Variants in LRRN4 observed in about 807,000 individuals in gnomAD.
LRRN4 encodes leucine rich repeat neuronal 4, also known as leucine-rich repeat neuronal protein 4.
A neutral mutation model predicts 22.3 loss-of-function variants in LRRN4; 26 were observed. The observed-to-expected ratio is 1.16, with a 90% CI of 0.85 to 1.62. LRRN4 has a LOEUF of 1.62. Among genes scored for constraint, LRRN4 ranks in the 40% most tolerant of loss-of-function variants. The pLI is 0.00. For synonymous variants in LRRN4, 496 were observed against 486.2 expected, an observed-to-expected ratio of 1.02 and a Z score of -0.26; for missense variants, 1,070 against 1,008.5, an observed-to-expected ratio of 1.06 and a Z score of -0.83.
chr20:6,041,210 T>C lies in LRRN4; in HGVS notation c.2035A>G (p.Ser679Gly). The change falls in exon 5 of 5, where the codon AGC becomes GGC. Residue 679 changes from serine to glycine, a missense_variant. Physicochemically the swap from Ser to Gly is moderately conservative, Grantham distance 56 (BLOSUM62 0). Transcript: ENST00000378858. This position sits in a 1 kb window ranked among gnomAD's most constrained non-coding sequence, Gnocchi z 9.4. Reference protein sequence around the residue: ...SPCAAFTTKPSFALLLSGLCA... With the variant: ...SPCAAFTTKPGFALLLSGLCA... ...AGCCCAGAGAGCAGGAGCGCGAAGC[T>C]GGGCTTGGTGGTGAAGGCGGCGCAC... 5 of 1,587,810 alleles carry C rather than the reference T, an allele frequency of 3.1e-6. No homozygotes were observed. The highest frequency in any genetic ancestry group is 4.3e-6 in the Non-Finnish European group (5 of 1,164,950).
intron 3 of LRRN4, among the ~76,000 whole-genome samples, chr20:6,047,572 G>A (rs905849287): frequency 5.3e-5 from 8 of 151,126 alleles, no homozygotes; most frequent in African/African-American, 2.0e-4. Context: ...AGATCACGAG[G>A]TTAGGAGATA....
In LRRN4 at chr20:6,052,625, A is replaced by C; in HGVS notation, c.175T>G (p.Leu59Val). 6.3e-7 allele frequency: 1 copy of C among 1,588,590 alleles called. No individual in the cohort carries two copies. Among genetic ancestry groups the C allele is most frequent in the Non-Finnish European group, 8.5e-7 (1 of 1,174,832 alleles). The change falls in exon 2 of 5, where the codon TTG becomes GTG. Residue 59 changes from leucine (L) to valine (V), a missense_variant. Transcript: ENST00000378858. ...TCCAGGTTGCGGTTCGCCAGGGTCAAGGCCGTCGCATCCGCGGCGGGCAGC... is the reference window on the plus strand; with the variant it reads ...TCCAGGTTGCGGTTCGCCAGGGTCACGGCCGTCGCATCCGCGGCGGGCAGC... The part of the protein sequence containing the change: ...EGLPAADATA[L>V]TLANRNLERL...
At chr20:6,049,752 C>T (rs916990425) in intron 3 of LRRN4, among the ~76,000 whole-genome samples, 3 of 151,914 alleles carry the variant, frequency 2.0e-5, no homozygotes, top group Non-Finnish European at 2.9e-5. Context: ...ATCCACCCAC[C>T]TCGGCCTCCC....
intron 2 of LRRN4, among the ~76,000 whole-genome samples, chr20:6,051,513 G>A (rs1232696969): frequency 6.6e-6 from 1 of 152,186 alleles, no homozygotes. Flanking sequence ...GAAACAGGTG[G>A]TTGTAGACAC....
intron 4 of LRRN4, among the ~76,000 whole-genome samples, chr20:6,043,189 A>G (rs901188450): frequency 6.6e-6 from 1 of 152,126 alleles, no homozygotes; most frequent in Non-Finnish European, 1.5e-5. Flanking sequence ...TAGGAGGATC[A>G]CTTGAGGCCA....
rs759053539 is a variant in LRRN4 at position 6,052,418 on chromosome 20, C to T, written c.382G>A (p.Asp128Asn). The T allele has an allele frequency of 1.4e-5, 21 of 1,544,662 alleles. No homozygotes were observed. The highest frequency in any genetic ancestry group is 1.7e-5 in the Non-Finnish European group (20 of 1,154,288). The change falls in exon 2 of 5, where the codon GAC becomes AAC. Residue 128 changes from aspartate to asparagine, a missense_variant. By Grantham distance (23) the Asp-to-Asn change is conservative. Transcript: ENST00000378858. ...PGGPAGLHTL[D>N]LSYNQLAALP... ...GCGGCCAGCTGGTTGTAGCTGAGGT[C>T]CAGGGTGTGCAGCCCCGCCGGCCCA...
At chr20:6,047,935 G>C (rs187788218) in intron 3 of LRRN4, among the ~76,000 whole-genome samples, 1 of 152,130 alleles carries the variant, frequency 6.6e-6, no homozygotes, top group African/African-American at 2.4e-5. Context: ...GATGGGAGAC[G>C]AAGAGGACTT....
intron 4 of LRRN4, among the ~76,000 whole-genome samples, chr20:6,044,241 C>T (rs1041475401): frequency 6.6e-5 from 10 of 152,200 alleles, no homozygotes; most frequent in Non-Finnish European, 1.5e-4. Context: ...CCCAGCCTCC[C>T]TTGCAGGTAG....
At chr20:6,051,592 G>T (rs1165388188) in intron 2 of LRRN4, among the ~76,000 whole-genome samples, 1 of 152,174 alleles carries the variant, frequency 6.6e-6, no homozygotes, top group Non-Finnish European at 1.5e-5. Flanking sequence ...CAGGAGACCG[G>T]TTATCCTCAC....
chr20:6,052,489 A>G lies in LRRN4; in HGVS notation c.311T>C (p.Leu104Pro), dbSNP rs1461694387. 4 of 1,575,730 alleles carry G rather than the reference A, an allele frequency of 2.5e-6. No individual in the cohort carries two copies. Among genetic ancestry groups the G allele is most frequent in the South Asian group, 1.1e-5 (1 of 87,406 alleles). The change falls in exon 2 of 5, where the codon CTG (leucine) becomes CCG (proline). Residue 104 changes from leucine to proline, a missense_variant. Physicochemically the swap from Leu to Pro is moderately conservative, Grantham distance 98 (BLOSUM62 -3). Transcript: ENST00000378858. The stretch of plus-strand genomic sequence containing the variant: ...GGCGATGCGGTTGTGGCGCAGGGTC[A>G]GCACCTGCAGCTGCTCCAGGTGGCC... ...ELGHLEQLQV[L>P]TLRHNRIAAL...
At position 6,044,590 on chromosome 20, in the gene LRRN4, A is replaced by G. The variant is rs1981058835; in HGVS notation, c.951T>C (p.Cys317=). 1.9e-6 allele frequency: 3 copies of G among 1,594,632 alleles called. No individual in the cohort carries two copies. The highest frequency in any genetic ancestry group is 2.6e-6 in the Non-Finnish European group (3 of 1,170,632). ...NLFGNPLTCS[C]DLSWLLTDAK... is the part of the protein sequence containing the mutation. ...CATCCGTGAGGAGCCAAGACAAGTC[A>G]CAACTGCAAGTGAGGGGGTTGCCAA... is the stretch of plus-strand genomic sequence containing the variant. Residue 317 remains cysteine, a synonymous_variant, in exon 4 of 5, where the codon TGT becomes TGC. Transcript: ENST00000378858.
chr20:6,053,169 C>T (rs1213707695), intron 1 of LRRN4, among the ~76,000 whole-genome samples: 1 of 152,154 alleles, frequency 6.6e-6, no homozygotes, highest in East Asian at 1.9e-4. Context: ...AAAGGGATGT[C>T]CCCTTTATTG....
At chr20:6,048,824 C>T (rs901657065) in intron 3 of LRRN4, among the ~76,000 whole-genome samples, 1 of 152,050 alleles carries the variant, frequency 6.6e-6, no homozygotes, top group Non-Finnish European at 1.5e-5. Context: ...TGGAGGAGGA[C>T]GCATTAGGCT....
intron 4 of LRRN4, among the ~76,000 whole-genome samples, chr20:6,043,180 A>G (rs989541337): frequency 1.3e-5 from 2 of 151,898 alleles, no homozygotes; most frequent in African/African-American, 4.8e-5. Flanking sequence ...AGGCCCATGT[A>G]GGAGGATCAC....
Position 6,041,280 on chromosome 20 carries a change from G to A in LRRN4, c.1965C>T (p.Asn655=). The change falls in exon 5 of 5, where the codon AAC becomes AAT. Residue 655 remains asparagine, a synonymous_variant. Transcript: ENST00000378858. The surrounding 1 kb of genome is among the most constrained non-coding windows in gnomAD (Gnocchi z 9.4). The part of the protein sequence containing the change: ...TTYRVCVLAA[N]RAGLSQPRSS... The stretch of plus-strand genomic sequence containing the variant: ...ACCGTGGCTGGCTCAAGCCCGCCCT[G>A]TTGGCCGCCAGCACGCACACGCGGT... 4 of 1,592,154 alleles carry A rather than the reference G, an allele frequency of 2.5e-6. No individual in the cohort carries two copies. Among genetic ancestry groups the A allele is most frequent in the South Asian group, 2.2e-5 (2 of 89,692 alleles).
intron 3 of LRRN4, among the ~76,000 whole-genome samples, chr20:6,048,360 A>T (rs1044586753): frequency 4.6e-5 from 7 of 152,078 alleles, no homozygotes; most frequent in Admixed American, 1.3e-4. Context: ...TGGTGATCTC[A>T]TGAATTTCTT....
Position 6,041,568 on chromosome 20 carries a change from G to A in LRRN4, c.1677C>T (p.Cys559=), listed in dbSNP as rs1456386043. ...YHPCKHLQTP[C]AELQRRWRCR... The stretch of plus-strand genomic sequence containing the variant: ...ACCGCCACCGCCTCTGCAGCTCCGC[G>A]CACGGGGTCTGCAGGTGCTTGCAGG... The change falls in exon 5 of 5, where the codon TGC becomes TGT. Residue 559 remains cysteine, a synonymous_variant. Transcript: ENST00000378858. The surrounding 1 kb of genome is among the most constrained non-coding windows in gnomAD (Gnocchi z 9.4). The A allele has an allele frequency of 1.9e-6, 3 of 1,557,600 alleles. No individual in the cohort carries two copies. The highest frequency in any genetic ancestry group is 1.4e-5 in the African/African-American group (1 of 73,836).
intron 1 of LRRN4, among the ~76,000 whole-genome samples, 190 bp from the exon 2 acceptor site, chr20:6,052,994 G>C (rs182693718): frequency 1.7e-4 from 26 of 152,240 alleles, no homozygotes; most frequent in Middle Eastern, 3.4e-3. Flanking sequence ...CTTTTGCCCT[G>C]TCGTCTCCCC....
intron 4 of LRRN4, among the ~76,000 whole-genome samples, chr20:6,043,503 G>A (rs1600404402): frequency 6.6e-6 from 1 of 152,194 alleles, no homozygotes; most frequent in Non-Finnish European, 1.5e-5. Context: ...CATTAATACT[G>A]TGATGAGACC....
Sources: allele counts gnomAD v4.1 joint callset (sites outside exome capture counted in the v4.1 genomes callset), GRCh38; gene constraint gnomAD v4.1.1; non-coding constraint Gnocchi (gnomAD v3.1); transcripts MANE v1.5; gene names NCBI Gene and HGNC (gene_info 2026-07-23, HGNC 2026-07-21).